Variants in MMP15 observed in about 807,000 individuals in gnomAD.
The protein encoded by MMP15 is matrix metalloproteinase-15.
A neutral mutation model predicts 65.0 loss-of-function variants in MMP15; 36 were observed. That is an observed-to-expected ratio of 0.55 (90% CI 0.42 to 0.73). The LOEUF (loss-of-function observed/expected upper bound fraction) is 0.73. MMP15 is among the 30% of genes least tolerant of loss of function. The pLI is 0.00. For synonymous variants in MMP15, 428 were observed against 410.2 expected (o/e 1.04, Z -0.52); for missense variants, 870 against 987.8 (o/e 0.88, Z 1.60).
chr16:58,036,674 G>C (rs1000466740), intron 1 of MMP15, among the ~76,000 whole-genome samples: 1 of 152,234 alleles, frequency 6.6e-6, no homozygotes, highest in Non-Finnish European at 1.5e-5. Flanking sequence ...CAGGGACTGG[G>C]CTTCAGGCTT....
intron 1 of MMP15, among the ~76,000 whole-genome samples, chr16:58,032,808 C>T (rs1567428711): frequency 6.6e-6 from 1 of 152,248 alleles, no homozygotes; most frequent in African/African-American, 2.4e-5. Context: ...GGGCTGGATC[C>T]ATCGCTGGCA....
chr16:58,029,818 C>T (rs1332244496), intron 1 of MMP15, among the ~76,000 whole-genome samples: 1 of 151,698 alleles, frequency 6.6e-6, no homozygotes, highest in Non-Finnish European at 1.5e-5. Context: ...TCCCCACCCC[C>T]AAAAGAAGAC....
At chr16:58,038,427 C>G (rs542516604) in intron 3 of MMP15, 33 bp downstream of exon 3, 3 of 1,611,662 alleles carry the variant, frequency 1.9e-6, no homozygotes, top group African/African-American at 2.7e-5. Context: ...GAAGCATCTG[C>G]CCCTCGGCAG....
chr16:58,038,739 A>T (rs1469535343), intron 3 of MMP15, among the ~76,000 whole-genome samples: 1 of 152,230 alleles, frequency 6.6e-6, no homozygotes, highest in Non-Finnish European at 1.5e-5. Context: ...AGTCACCTGC[A>T]GAATCCTTGG....
At chr16:58,029,852 C>T (rs2142322985) in intron 1 of MMP15, among the ~76,000 whole-genome samples, 1 of 152,276 alleles carries the variant, frequency 6.6e-6, no homozygotes, top group African/African-American at 2.4e-5. Context: ...CCAGTGCCCA[C>T]TGCTATCTCT....
At chr16:58,037,746 T>C (rs1959364904) in intron 2 of MMP15, 126 bp downstream of exon 2, 1 of 1,350,218 alleles carries the variant, frequency 7.4e-7, no homozygotes. Context: ...AATGGTTTGG[T>C]CCTCCATGTC....
chr16:58,032,464 A>G (rs1024083632), intron 1 of MMP15, among the ~76,000 whole-genome samples: 16 of 152,330 alleles, frequency 1.1e-4, no homozygotes, highest in African/African-American at 3.8e-4. Context: ...TGTCTGCAGG[A>G]TACAGGCTGA....
Position 58,038,328 on chromosome 16 carries a change from T to C in MMP15, c.374T>C (p.Leu125Pro), listed in dbSNP as rs766635886. 1 of 1,614,044 alleles carries C rather than the reference T, an allele frequency of 6.2e-7. No individual in the cohort carries two copies. Among genetic ancestry groups the C allele is most frequent in the Non-Finnish European group, 8.5e-7 (1 of 1,180,006 alleles). The change falls in exon 3 of 10, where the codon CTG becomes CCG. Residue 125 changes from leucine (L) to proline (P), a missense_variant. Physicochemically the swap from Leu to Pro is moderately conservative, Grantham distance 98. Transcript: ENST00000219271. ...TTCGGGGTACGAGTGAAAGCCAACC[T>C]GCGGCGGCGTCGGAAGCGCTACGCC... is the stretch of plus-strand genomic sequence containing the variant. ...DQFGVRVKAN[L>P]RRRRKRYALT...
intron 1 of MMP15, among the ~76,000 whole-genome samples, chr16:58,029,033 C>T (rs1215743136): frequency 6.6e-6 from 1 of 152,180 alleles, no homozygotes; most frequent in Non-Finnish European, 1.5e-5. Context: ...CTCCCAGGCA[C>T]AATTCAGGTC....
chr16:58,040,974 C>T (rs1959439693), intron 5 of MMP15: 5 of 534,650 alleles, frequency 9.4e-6, no homozygotes, highest in Non-Finnish European at 1.7e-5. Flanking sequence ...TCCTCCTCAC[C>T]CTTGGCAGTA....
intron 6 of MMP15, 111 bp from the exon 7 acceptor site, chr16:58,042,120 G>A (rs577874402): frequency 3.6e-6 from 5 of 1,372,228 alleles, no homozygotes; most frequent in Middle Eastern, 2.7e-4. Flanking sequence ...CAGTATCTCA[G>A]TGTCCTCCCC....
At position 58,040,664 on chromosome 16, in the gene MMP15, C is replaced by A; in HGVS notation, c.876C>A (p.Pro292=). The A allele has an allele frequency of 6.2e-7, 1 of 1,614,204 alleles. No homozygotes were observed. Among genetic ancestry groups the A allele is most frequent in the Non-Finnish European group, 8.5e-7 (1 of 1,180,050 alleles). ...QWKDVDNFKL[P]EDDLRGIQQL... is the part of the protein sequence containing the mutation. ...AGGACGTTGACAACTTCAAGCTGCCCGAGGACGATCTCCGTGGCATCCAGC... is the reference window on the plus strand; with the variant it reads ...AGGACGTTGACAACTTCAAGCTGCCAGAGGACGATCTCCGTGGCATCCAGC... The change falls in exon 5 of 10, where the codon CCC becomes CCA. Residue 292 remains proline, a synonymous_variant. Transcript: ENST00000219271.
In MMP15 at chr16:58,026,335, G is replaced by A. The variant is rs1273759513; in HGVS notation, c.-16G>A. ...TCCGGCGTGCAGTGTTCCGAGCTGG[G>A]CTGGGCGCCGAGAGCATGGGCAGCG... is the stretch of plus-strand genomic sequence containing the variant. On this transcript the variant is annotated 5_prime_UTR_variant, in exon 1 of 10. Coordinates refer to ENST00000219271, the MANE Select transcript of MMP15 (RefSeq NM_002428.4). 1.5e-6 allele frequency: 2 copies of A among 1,337,954 alleles called. No individual in the cohort carries two copies. Among genetic ancestry groups the A allele is most frequent in the Admixed American group, 4.1e-5 (1 of 24,170 alleles). 82.9% of individuals were successfully genotyped at this position (1,337,954 alleles called of 1,614,324 possible).
chr16:58,041,009 G>T (rs1300492346), intron 5 of MMP15: 11 of 467,760 alleles, frequency 2.4e-5, no homozygotes, highest in Non-Finnish European at 4.3e-5. Flanking sequence ...CAAGTGCCTG[G>T]GGGATCCCAG....
At chr16:58,035,801 C>A (rs868038159) in intron 1 of MMP15, among the ~76,000 whole-genome samples, 6 of 152,314 alleles carry the variant, frequency 3.9e-5, no homozygotes, top group South Asian at 2.1e-4. Flanking sequence ...GCTGCGCATC[C>A]AGTCTGCGAC....
chr16:58,038,327 C>A lies in MMP15; in HGVS notation c.373C>A (p.Leu125Met). 3 of 1,614,098 alleles carry A rather than the reference C, an allele frequency of 1.9e-6. No homozygotes were observed. The highest frequency in any genetic ancestry group is 2.5e-6 in the Non-Finnish European group (3 of 1,180,024). The change falls in exon 3 of 10, where the codon CTG becomes ATG. Residue 125 changes from leucine (L) to methionine (M), a missense_variant. Coordinates refer to ENST00000219271, the MANE Select transcript of MMP15 (RefSeq NM_002428.4). ...GTTCGGGGTACGAGTGAAAGCCAAC[C>A]TGCGGCGGCGTCGGAAGCGCTACGC... is the stretch of plus-strand genomic sequence containing the variant. Reference protein sequence around the residue: ...DQFGVRVKANLRRRRKRYALT... With the variant: ...DQFGVRVKANMRRRRKRYALT...
chr16:58,028,997 T>C (rs528066387), intron 1 of MMP15, among the ~76,000 whole-genome samples: 2 of 152,192 alleles, frequency 1.3e-5, no homozygotes, highest in Non-Finnish European at 2.9e-5. Context: ...GGAGCTCTTA[T>C]CTCACCTGCC....
At chr16:58,033,044 C>T (rs542977088) in intron 1 of MMP15, among the ~76,000 whole-genome samples, 35 of 152,252 alleles carry the variant, frequency 2.3e-4, no homozygotes, top group African/African-American at 8.4e-4. Context: ...AGACGCTTGC[C>T]CCCTCCCCCA....
chr16:58,038,322 C>T lies in MMP15; in HGVS notation c.368C>T (p.Ala123Val). The change falls in exon 3 of 10, where the codon GCC becomes GTC. Residue 123 changes from alanine (A) to valine (V), a missense_variant. Coordinates refer to ENST00000219271, the MANE Select transcript of MMP15 (RefSeq NM_002428.4). ...GACCAGTTCGGGGTACGAGTGAAAG[C>T]CAACCTGCGGCGGCGTCGGAAGCGC... ...VPDQFGVRVK[A>V]NLRRRRKRYA... 6.2e-7 allele frequency: 1 copy of T among 1,614,080 alleles called. No individual in the cohort carries two copies. Among genetic ancestry groups the T allele is most frequent in the Non-Finnish European group, 8.5e-7 (1 of 1,180,022 alleles).
Sources: allele counts gnomAD v4.1 joint callset (sites outside exome capture counted in the v4.1 genomes callset), GRCh38; gene constraint gnomAD v4.1.1; transcripts MANE v1.5; gene names NCBI Gene and HGNC (gene_info 2026-07-23, HGNC 2026-07-21).